Variants in CDC73 observed in about 807,000 individuals in gnomAD.
The protein encoded by CDC73 is parafibromin.
A neutral mutation model predicts 83.7 loss-of-function variants in CDC73; 21 were observed. The ratio of observed to expected loss-of-function variants is 0.25; its 90% CI spans 0.18 to 0.36. The LOEUF (loss-of-function observed/expected upper bound fraction) is 0.36. CDC73 is among the 10% of genes least tolerant of loss of function. The probability of loss-of-function intolerance (pLI) is 1.00; values close to 1 mark genes in which losing one functional copy is unlikely to be tolerated. For synonymous variants in CDC73, 224 were observed against 212.9 expected (o/e 1.05, Z -0.45); for missense variants, 342 against 653.3 (o/e 0.52, Z 5.19).
intron 10 of CDC73, among the ~76,000 whole-genome samples, chr1:193,177,275 G>A (rs1676621786): frequency 6.9e-6 from 1 of 145,100 alleles, no homozygotes; most frequent in Non-Finnish European, 1.5e-5. Flanking sequence ...TGTAATCCCA[G>A]CACTTTGGGA....
chr1:193,191,444 G>A (rs1265709370), intron 10 of CDC73, among the ~76,000 whole-genome samples: 1 of 152,182 alleles, frequency 6.6e-6, no homozygotes, highest in Non-Finnish European at 1.5e-5. Flanking sequence ...CTGGAGTGCA[G>A]TGGCGTGATC....
chr1:193,155,228 C>A (rs181795945), intron 10 of CDC73, among the ~76,000 whole-genome samples: 118 of 151,908 alleles, frequency 7.8e-4, no homozygotes, highest in African/African-American at 2.7e-3. Flanking sequence ...AAGTAAAGGC[C>A]CCAGGGAGAG....
At chr1:193,132,539 T>A (rs1675714002) in intron 3 of CDC73, among the ~76,000 whole-genome samples, 1 of 152,122 alleles carries the variant, frequency 6.6e-6, no homozygotes. Context: ...TCTTGAACTC[T>A]TGGGCTCAAG....
chr1:193,128,578 T>C (rs1015161493), intron 2 of CDC73, among the ~76,000 whole-genome samples: 7 of 152,268 alleles, frequency 4.6e-5, no homozygotes, highest in African/African-American at 1.7e-4. Flanking sequence ...GTGTTAGGAT[T>C]ACAGGCATGA....
At position 193,254,710 on chromosome 1, in the gene CDC73, G is replaced by C. The variant is rs1292320969; in HGVS notation, c.*3998G>C. 6.6e-6 allele frequency among the ~76,000 whole-genome samples: 1 copy of C among 152,096 alleles called. No individual in the cohort carries two copies. The highest frequency in any genetic ancestry group is 1.9e-4 in the East Asian group (1 of 5,198). ...ATTATTTTAGGTAATCTTTATAAGG[G>C]CATCTTGGAAGTTATAAATATGTGC... On this transcript the variant is annotated 3_prime_UTR_variant, in exon 17 of 17. Transcript: ENST00000367435.
chr1:193,178,030 A>G (rs935839969), intron 10 of CDC73, among the ~76,000 whole-genome samples: 5 of 152,240 alleles, frequency 3.3e-5, no homozygotes, highest in African/African-American at 1.2e-4. Context: ...ATTTTTATGT[A>G]TATAAAAATC....
At chr1:193,211,964 T>C in intron 11 of CDC73, 101 bp from the exon 12 acceptor site, 1 of 865,040 alleles carries the variant, frequency 1.2e-6, no homozygotes, top group Non-Finnish European at 1.9e-6. Flanking sequence ...GTTAGTCATA[T>C]GGGAATACAC....
chr1:193,208,106 A>G (rs1392049522), intron 11 of CDC73, among the ~76,000 whole-genome samples: 4 of 152,246 alleles, frequency 2.6e-5, no homozygotes, highest in African/African-American at 9.6e-5. Context: ...TGACACCACA[A>G]TCAACTTTGT....
chr1:193,220,667 A>C (rs1558315512), intron 13 of CDC73, among the ~76,000 whole-genome samples: 1 of 152,138 alleles, frequency 6.6e-6, no homozygotes, highest in Non-Finnish European at 1.5e-5. Context: ...TTTTTTAAAA[A>C]ATTTTTAGTA....
intron 10 of CDC73, among the ~76,000 whole-genome samples, chr1:193,157,050 T>C (rs1676219476): frequency 6.6e-6 from 1 of 152,136 alleles, no homozygotes; most frequent in Non-Finnish European, 1.5e-5. Context: ...GTCAGAATAC[T>C]TCATTTAGGA....
Position 193,141,839 on chromosome 1 carries a change from A to G in CDC73, c.513-11A>G, listed in dbSNP as rs1310021399. 6.3e-7 allele frequency: 1 copy of G among 1,590,140 alleles called. No individual in the cohort carries two copies. The stretch of plus-strand genomic sequence containing the variant: ...CCTGCTGTGAAAATTTAAAAAAGAA[A>G]TTGCTTTTAGGTCTTTGTCTGAAGC... On this transcript the variant is annotated splice_polypyrimidine_tract_variant and intron_variant, in intron 6 of 16. Coordinates refer to ENST00000367435, the MANE Select transcript of CDC73 (RefSeq NM_024529.5).
intron 7 of CDC73, among the ~76,000 whole-genome samples, chr1:193,145,827 T>C (rs1314116474): frequency 6.6e-6 from 1 of 152,216 alleles, no homozygotes; most frequent in African/African-American, 2.4e-5. Context: ...TATTTATTTG[T>C]ATAGTATTTA....
chr1:193,153,279 T>C (rs538893266), intron 10 of CDC73, among the ~76,000 whole-genome samples: 10 of 152,346 alleles, frequency 6.6e-5, no homozygotes, highest in African/African-American at 2.4e-4. Flanking sequence ...TAAATTTTTA[T>C]TTAATGATCG....
At chr1:193,248,777 A>T (rs1677995298) in intron 15 of CDC73, among the ~76,000 whole-genome samples, 1 of 152,050 alleles carries the variant, frequency 6.6e-6, no homozygotes, top group Admixed American at 6.6e-5. Context: ...TTAGAAGTGG[A>T]GCTTGAAGAT....
At chr1:193,148,286 A>C (rs1324750912) in intron 8 of CDC73, among the ~76,000 whole-genome samples, 1 of 152,220 alleles carries the variant, frequency 6.6e-6, no homozygotes, top group South Asian at 2.1e-4. Flanking sequence ...AACCATTGTT[A>C]ATAACATAAA....
At chr1:193,155,239 T>A (rs1676186689) in intron 10 of CDC73, among the ~76,000 whole-genome samples, 1 of 152,022 alleles carries the variant, frequency 6.6e-6, no homozygotes, top group African/African-American at 2.4e-5. Flanking sequence ...CCAGGGAGAG[T>A]GCTTTGATAA....
Position 193,122,655 on chromosome 1 carries a change from C to T in CDC73, c.131+324C>T. The T allele has an allele frequency of 1.4e-5, 4 of 293,894 alleles. No homozygotes were observed. In the South Asian group the frequency reaches 1.6e-4, roughly 11 times the overall value. The allele number at this position is 293,894 out of a possible 1,614,324, so 18.2% of individuals were successfully genotyped here. A position where few individuals can be genotyped will look rare whatever the true frequency, so the allele number is the denominator to read the frequency against. ...GACTGGTGCGCAAGGGATACCTGAA[C>T]ATAGGTGCACAAAGGAGCACACCGT... On this transcript the variant is annotated intron_variant, in intron 1 of 16. Transcript: ENST00000367435.
At chr1:193,132,713 TTTTG>T (rs912656928) in intron 3 of CDC73, among the ~76,000 whole-genome samples, 16 of 151,980 alleles carry the variant, frequency 1.1e-4, no homozygotes, top group African/African-American at 3.4e-4. Flanking sequence ...TAGTGGTTTT[TTTTG>T]TTTGTTTGTT....
intron 7 of CDC73, among the ~76,000 whole-genome samples, chr1:193,146,928 G>T (rs543293802): frequency 2.6e-5 from 4 of 152,070 alleles, no homozygotes; most frequent in Non-Finnish European, 5.9e-5. Flanking sequence ...TTAACAGGAG[G>T]ATGTAGTAGT....
Sources: allele counts gnomAD v4.1 joint callset (sites outside exome capture counted in the v4.1 genomes callset), GRCh38; gene constraint gnomAD v4.1.1; transcripts MANE v1.5; gene names NCBI Gene and HGNC (gene_info 2026-07-23, HGNC 2026-07-21).